FARP1: variants seen among roughly 807,000 people sequenced by gnomAD.
The protein encoded by FARP1 is FERM, ARHGEF and pleckstrin domain-containing protein 1.
In FARP1, 52 loss-of-function variants were observed where a neutral mutation model predicts 128.8. The observed-to-expected ratio is 0.40, with a 90% confidence interval of 0.32 to 0.51. The LOEUF is 0.51. Among genes scored for constraint, FARP1 ranks in the 20% least tolerant of loss-of-function variants. FARP1 has a pLI of 0.45. For synonymous variants in FARP1, 580 were observed against 551.8 expected (o/e 1.05, Z -0.72); for missense variants, 1,333 against 1,367.9 (o/e 0.97, Z 0.40).
rs146076012 is a variant in FARP1 at position 98,217,029 on chromosome 13, C to T, written c.171+3616C>T. ...GGTTAATAAGGTGCCCCTATGCCCG[C>T]CCAGGCCATTTCCCTGATGGTTCCT... is the stretch of plus-strand genomic sequence containing the variant. On this transcript the variant is annotated intron_variant, in intron 2 of 26. Transcript: ENST00000319562. Among the ~76,000 whole-genome samples, 70 of 152,252 alleles carry T rather than the reference C, an allele frequency of 4.6e-4. 2 individuals are homozygous for T. The Middle Eastern group carries it at 0.024, about 52-fold the overall frequency.
At chr13:98,438,940 G>A (rs1172443839) in intron 20 of FARP1, 68 bp downstream of exon 20, 12 of 1,559,160 alleles carry the variant, frequency 7.7e-6, no homozygotes, top group South Asian at 3.3e-5. Context: ...TCCCAAGGCC[G>A]GACCTCGGCC....
chr13:98,446,793 C>T lies in FARP1; in HGVS notation c.3032C>T (p.Ala1011Val), dbSNP rs371359681. 1.4e-5 allele frequency: 22 copies of T among 1,613,988 alleles called. No homozygotes were observed. In the East Asian group the frequency reaches 1.6e-4, roughly 11 times the overall value. ...HFKSHVYYFR[A>V]ESEYTFERWM... ...AAGTCCCACGTCTACTACTTCAGGG[C>T]GGAAAGCGAGTACACGTTCGAAAGG... Residue 1011 changes from alanine (A) to valine (V), a missense_variant, in exon 26 of 27, where the codon GCG (alanine) becomes GTG (valine). This residue lies in a region of FARP1 where 1,009 missense variants were observed against 969.8 expected (regional missense o/e 1.04). Coordinates refer to ENST00000319562, the MANE Select transcript of FARP1 (RefSeq NM_005766.4).
At position 98,376,315 on chromosome 13, in the gene FARP1, T is replaced by G. The variant is rs1488079922; in HGVS notation, c.399-1506T>G. On this transcript the variant is annotated intron_variant, in intron 5 of 26. Transcript: ENST00000319562. ...TCTGGTAACTTCATTCTGCTCTCTC[T>G]TTCCATGAGTTCAATTGTTTTAATT... 4.6e-5 allele frequency among the ~76,000 whole-genome samples: 7 copies of G among 152,202 alleles called. No individual in the cohort carries two copies. The South Asian group carries it at 8.3e-4, about 18-fold the overall frequency.
chr13:98,230,829 T>A (rs1214332365), intron 2 of FARP1, among the ~76,000 whole-genome samples: 1 of 152,176 alleles, frequency 6.6e-6, no homozygotes, highest in East Asian at 1.9e-4. Flanking sequence ...TCTGTTCTCA[T>A]GCTGATAATA....
rs567941173 is a variant in FARP1 at position 98,376,805 on chromosome 13, C to G, written c.399-1016C>G. 6.4e-5 allele frequency among the ~76,000 whole-genome samples: 9 copies of G among 140,092 alleles called. No homozygotes were observed. In the South Asian group the frequency reaches 2.0e-3, roughly 32 times the overall value. 91.9% of individuals were successfully genotyped at this position (140,092 alleles called of 152,430 possible). A position where few individuals can be genotyped will look rare whatever the true frequency, so the allele number is the denominator to read the frequency against. On this transcript the variant is annotated intron_variant, in intron 5 of 26. Coordinates refer to ENST00000319562, the MANE Select transcript of FARP1 (RefSeq NM_005766.4). Reference sequence around the variant, plus strand: ...GCCACATCCAAGCATTTGTTACTGCCTATCTTTTGGATATGAGCCATTTTA... The same window carrying G: ...GCCACATCCAAGCATTTGTTACTGCGTATCTTTTGGATATGAGCCATTTTA...
At position 98,198,989 on chromosome 13, in the gene FARP1, G is replaced by A. The variant is rs150192146; in HGVS notation, c.-23-14231G>A. Among the ~76,000 whole-genome samples, 282 of 39,056 alleles carry A rather than the reference G, an allele frequency of 7.2e-3. 1 individual carries two copies. The highest frequency in any genetic ancestry group is 0.018 in the African/African-American group (254 of 14,398). The allele number at this position is 39,056 out of a possible 152,430, so 25.6% of individuals were successfully genotyped here. A position where few individuals can be genotyped will look rare whatever the true frequency, so the allele number is the denominator to read the frequency against. On this transcript the variant is annotated intron_variant, in intron 1 of 26. Transcript: ENST00000319562. Reference sequence around the variant, plus strand: ...AGCTACTCGGGAGTCTGAGGCTGGAGGATTACTGAGCCCAAGAATTTGAGG... The same window carrying A: ...AGCTACTCGGGAGTCTGAGGCTGGAAGATTACTGAGCCCAAGAATTTGAGG...
intron 19 of FARP1, 26 bp downstream of exon 19, chr13:98,435,732 A>G: frequency 6.2e-7 from 1 of 1,612,828 alleles, no homozygotes; most frequent in South Asian, 1.1e-5. Context: ...CTCACTATGC[A>G]CTGCGCGGGG....
chr13:98,400,026 G>T (rs557931591), intron 13 of FARP1: 36 of 152,266 alleles, frequency 2.4e-4, no homozygotes, highest in Admixed American at 1.8e-3. Flanking sequence ...AAGTCTGTGG[G>T]CCAGATTCTT....
intron 2 of FARP1, among the ~76,000 whole-genome samples, chr13:98,270,580 T>C (rs1205230902): frequency 6.6e-6 from 1 of 152,176 alleles, no homozygotes; most frequent in African/African-American, 2.4e-5. Context: ...CCTGGCACCT[T>C]GAGAGTTCCT....
chr13:98,279,064 T>C (rs1884806314), intron 2 of FARP1, among the ~76,000 whole-genome samples: 1 of 151,764 alleles, frequency 6.6e-6, no homozygotes, highest in Non-Finnish European at 1.5e-5. Context: ...CTTGATCTCC[T>C]GACCTCGTTA....
At chr13:98,397,477 G>C (rs543498348) in intron 13 of FARP1, 2 of 152,288 alleles carry the variant, frequency 1.3e-5, no homozygotes, top group South Asian at 4.1e-4. Flanking sequence ...GTTTCTCTGA[G>C]CCAGAAAAAA....
At chr13:98,256,949 A>ATATATATATATATATATATATATGTATG (rs1566800990) in intron 2 of FARP1, among the ~76,000 whole-genome samples, 1 of 21,688 alleles carries the variant, frequency 4.6e-5, no homozygotes. Flanking sequence ...ATATATGTGG[A>ATATATATATATATATATATATATGTATG]TATATATATA....
intron 8 of FARP1, among the ~76,000 whole-genome samples, chr13:98,386,688 C>T (rs1890110531): frequency 1.3e-5 from 2 of 152,068 alleles, no homozygotes; most frequent in South Asian, 4.1e-4. Flanking sequence ...GAGAAAGCAC[C>T]CGCCTTTCTC....
intron 1 of FARP1, among the ~76,000 whole-genome samples, chr13:98,178,687 G>A (rs1316568667): frequency 1.3e-5 from 2 of 152,156 alleles, no homozygotes; most frequent in African/African-American, 4.8e-5. Flanking sequence ...CAGCTCACTT[G>A]TAGTGCCCCC....
chr13:98,413,574 C>T (rs1432392293), intron 16 of FARP1, among the ~76,000 whole-genome samples: 1 of 152,178 alleles, frequency 6.6e-6, no homozygotes, highest in African/African-American at 2.4e-5. Flanking sequence ...GCAGGAGAAT[C>T]ACTTCAACCC....
In FARP1 at chr13:98,395,295, A is replaced by T. The variant is rs781470272; in HGVS notation, c.1233A>T (p.Arg411=). 2 of 1,609,408 alleles carry T rather than the reference A, an allele frequency of 1.2e-6. 1 individual carries two copies. The highest frequency in any genetic ancestry group is 1.7e-6 in the Non-Finnish European group (2 of 1,176,614). The change falls in exon 13 of 27, where the codon CGA becomes CGT. Residue 411 remains arginine (R), a synonymous_variant. Coordinates refer to ENST00000319562, the MANE Select transcript of FARP1 (RefSeq NM_005766.4). ...CTCCAGGGGGCCAGAGCTGCCGGCGAGGAAAGGAACCGAAGGTTTCCGCCG... is the reference window on the plus strand; with the variant it reads ...CTCCAGGGGGCCAGAGCTGCCGGCGTGGAAAGGAACCGAAGGTTTCCGCCG... ...AESPGGQSCR[R]GKEPKVSAGE...
intron 3 of FARP1, among the ~76,000 whole-genome samples, chr13:98,344,795 T>C (rs1406673528): frequency 6.6e-6 from 1 of 152,158 alleles, no homozygotes; most frequent in Non-Finnish European, 1.5e-5. Context: ...GAGAACAAGT[T>C]GTGTTTTCTC....
intron 2 of FARP1, among the ~76,000 whole-genome samples, chr13:98,308,204 T>C (rs17566878): frequency 0.17 from 26,337 of 152,108 alleles, 2,979 homozygotes; most frequent in Non-Finnish European, 0.25. Flanking sequence ...ACGTGGTTTT[T>C]CCCAAAGGAT....
chr13:98,284,999 C>T (rs1885096519), intron 2 of FARP1, among the ~76,000 whole-genome samples: 1 of 152,098 alleles, frequency 6.6e-6, no homozygotes, highest in Non-Finnish European at 1.5e-5. Context: ...TATGGTCTGG[C>T]CCTAGATCCG....
Sources: gnomAD v4.1 joint callset for allele counts (sites outside exome capture counted in the v4.1 genomes callset) on GRCh38, gnomAD v4.1.1 for gene constraint, gnomAD v4.1.1 regional missense constraint, MANE v1.5 for transcripts, NCBI Gene and HGNC (gene_info 2026-07-23, HGNC 2026-07-21) for gene names.